The following RASAL2 variants were observed in gnomAD, a reference collection of about 807,000 sequenced individuals.
RASAL2 encodes ras GTPase-activating protein nGAP.
In RASAL2, 58 loss-of-function variants were observed where a neutral mutation model predicts 128.9. The ratio of observed to expected loss-of-function variants is 0.45; its 90% CI spans 0.36 to 0.56. The LOEUF (loss-of-function observed/expected upper bound fraction) is 0.56. Among genes scored for constraint, RASAL2 ranks in the 20% least tolerant of loss-of-function variants. The pLI is 0.00. For missense variants in RASAL2, 1,360 were observed against 1,601.6 expected (o/e 0.85, Z 2.57); for synonymous variants, 561 against 580.8 (o/e 0.97, Z 0.49).
rs1326200493 is a variant in RASAL2 at position 178,439,357 on chromosome 1, G to A, written c.675-65G>A. On this transcript the variant is annotated intron_variant, in intron 5 of 17. Coordinates refer to ENST00000367649, the MANE Select transcript of RASAL2 (RefSeq NM_170692.4). ...TGTACATTTATTGTTATCCTCCATT[G>A]CATTAGACCTTCATTTCCTTGCTGG... 3 of 1,411,614 alleles carry A rather than the reference G, an allele frequency of 2.1e-6. No homozygotes were observed. In the East Asian group the frequency reaches 7.0e-5, roughly 33 times the overall value. The allele number at this position is 1,411,614 out of a possible 1,614,324, so 87.4% of individuals were successfully genotyped here.
At chr1:178,471,760 C>A (rs1485027826) in intron 17 of RASAL2, among the ~76,000 whole-genome samples, 1 of 152,022 alleles carries the variant, frequency 6.6e-6, no homozygotes, top group South Asian at 2.1e-4. Flanking sequence ...CTAGATTTTT[C>A]CCCCAGGGCC....
At chr1:178,393,911 T>C (rs1056930708) in intron 4 of RASAL2, among the ~76,000 whole-genome samples, 6 of 152,356 alleles carry the variant, frequency 3.9e-5, no homozygotes, top group Admixed American at 3.3e-4. Flanking sequence ...GTATTACTGA[T>C]AATGTCCCTA....
intron 1 of RASAL2, among the ~76,000 whole-genome samples, chr1:178,179,662 C>T (rs532673552): frequency 3.2e-4 from 49 of 152,208 alleles, no homozygotes; most frequent in African/African-American, 7.7e-4. Context: ...TGGCAGCAGT[C>T]GGCTGTGTTT....
At chr1:178,359,403 A>C (rs1340193249) in intron 3 of RASAL2, among the ~76,000 whole-genome samples, 5 of 152,228 alleles carry the variant, frequency 3.3e-5, no homozygotes, top group Non-Finnish European at 5.9e-5. Flanking sequence ...AAGTAAAGCC[A>C]GGAAACTTAA....
At chr1:178,307,585 T>C (rs919551668) in intron 3 of RASAL2, among the ~76,000 whole-genome samples, 4 of 152,204 alleles carry the variant, frequency 2.6e-5, no homozygotes, top group African/African-American at 4.8e-5. Context: ...AACCTACAAA[T>C]TCAACTTCTT....
At chr1:178,422,493 T>C (rs1236728405) in intron 5 of RASAL2, among the ~76,000 whole-genome samples, 1 of 152,074 alleles carries the variant, frequency 6.6e-6, no homozygotes, top group Non-Finnish European at 1.5e-5. Context: ...TATACAGAAA[T>C]TTTTCAAAAA....
chr1:178,390,566 G>T (rs1349283541), intron 4 of RASAL2, among the ~76,000 whole-genome samples: 1 of 151,840 alleles, frequency 6.6e-6, no homozygotes, highest in African/African-American at 2.4e-5. Flanking sequence ...TTTAGTAGAG[G>T]CGGGGTTTTA....
At chr1:178,270,863 A>T (rs1401789694) in intron 1 of RASAL2, among the ~76,000 whole-genome samples, 3 of 152,130 alleles carry the variant, frequency 2.0e-5, no homozygotes, top group Non-Finnish European at 4.4e-5. Flanking sequence ...GGATGGTCTG[A>T]TGCCCAGAGT....
Position 178,094,136 on chromosome 1 carries a change from G to T in RASAL2, c.-357G>T, listed in dbSNP as rs1363562115. The stretch of plus-strand genomic sequence containing the variant: ...GGTCTGACCGCGAGAGACGCCGGCG[G>T]GGCTGAAGAAGGCGGCTCCGAGGAG... On this transcript the variant is annotated 5_prime_UTR_variant, in exon 1 of 18. Coordinates refer to ENST00000367649, the MANE Select transcript of RASAL2 (RefSeq NM_170692.4). 1 of 284,372 alleles carries T rather than the reference G, an allele frequency of 3.5e-6. No individual in the cohort carries two copies. The highest frequency in any genetic ancestry group is 2.3e-5 in the African/African-American group (1 of 44,234). 17.6% of individuals were successfully genotyped at this position (284,372 alleles called of 1,614,324 possible). A position where few individuals can be genotyped will look rare whatever the true frequency, so the allele number is the denominator to read the frequency against.
chr1:178,318,997 A>G (rs1668623887), intron 3 of RASAL2, among the ~76,000 whole-genome samples: 1 of 152,178 alleles, frequency 6.6e-6, no homozygotes, highest in Non-Finnish European at 1.5e-5. Flanking sequence ...TGGTGGTGAC[A>G]AAATCAGTCA....
chr1:178,400,221 T>C lies in RASAL2; in HGVS notation c.564+10015T>C, dbSNP rs78523437. Among the ~76,000 whole-genome samples the C allele has an allele frequency of 2.6e-3, 398 of 152,342 alleles. 1 individual carries two copies. Among genetic ancestry groups the C allele is most frequent in the Non-Finnish European group, 4.8e-3 (327 of 68,024 alleles). On this transcript the variant is annotated intron_variant, in intron 4 of 17. Transcript: ENST00000367649. ...CTGCCTTTCCAGACTCATTTCCTAA[T>C]GCTCAGTATCCTCATTTTCACCCCC...
chr1:178,408,593 G>A (rs1392862723), intron 4 of RASAL2, among the ~76,000 whole-genome samples: 1 of 140,056 alleles, frequency 7.1e-6, no homozygotes, highest in Non-Finnish European at 1.5e-5. Context: ...TGTTGTTGTT[G>A]TTTGGTTGGT....
At chr1:178,325,505 G>A (rs1351087871) in intron 3 of RASAL2, among the ~76,000 whole-genome samples, 2 of 152,160 alleles carry the variant, frequency 1.3e-5, no homozygotes, top group Non-Finnish European at 2.9e-5. Flanking sequence ...AACTAGATGA[G>A]CTAGGGATAG....
intron 3 of RASAL2, among the ~76,000 whole-genome samples, chr1:178,338,765 T>C (rs1669720349): frequency 6.6e-6 from 1 of 152,208 alleles, no homozygotes; most frequent in Non-Finnish European, 1.5e-5. Context: ...GTTGCAGATA[T>C]AGCAGCGAAC....
intron 3 of RASAL2, among the ~76,000 whole-genome samples, chr1:178,358,528 A>T (rs1270310124): frequency 3.3e-5 from 5 of 152,196 alleles, no homozygotes; most frequent in Non-Finnish European, 5.9e-5. Flanking sequence ...GAAGACTTTC[A>T]CAAAAGCATA....
intron 3 of RASAL2, among the ~76,000 whole-genome samples, chr1:178,342,685 G>T (rs868030824): frequency 6.6e-6 from 1 of 152,120 alleles, no homozygotes; most frequent in South Asian, 2.1e-4. Context: ...ACTTTTTTCT[G>T]TATGCAAATA....
At chr1:178,418,356 A>G (rs1004369819) in intron 4 of RASAL2, among the ~76,000 whole-genome samples, 3 of 152,148 alleles carry the variant, frequency 2.0e-5, no homozygotes, top group Admixed American at 1.3e-4. Context: ...AAAATATACT[A>G]TTTACTATTC....
chr1:178,295,243 C>CAA (rs781677519), intron 2 of RASAL2, among the ~76,000 whole-genome samples: 9 of 115,400 alleles, frequency 7.8e-5, no homozygotes, highest in Non-Finnish European at 1.1e-4. Context: ...TTTTTTCTCC[C>CAA]AAAAAAAAAA....
At position 178,250,112 on chromosome 1, in the gene RASAL2, G is replaced by C. The variant is rs1446636449; in HGVS notation, c.203-33452G>C. The stretch of plus-strand genomic sequence containing the variant: ...GTGCTGGAAGGGCCCTCTTTGTCAG[G>C]ATCCCCTTGCTCTCTTCAGAGCTAG... On this transcript the variant is annotated intron_variant, in intron 1 of 17. Coordinates refer to ENST00000367649, the MANE Select transcript of RASAL2 (RefSeq NM_170692.4). Among the ~76,000 whole-genome samples, 3 of 152,146 alleles carry C rather than the reference G, an allele frequency of 2.0e-5. 1 individual carries two copies. The South Asian group carries it at 6.2e-4, about 32-fold the overall frequency.
Sources: allele counts gnomAD v4.1 joint callset (sites outside exome capture counted in the v4.1 genomes callset), GRCh38; gene constraint gnomAD v4.1.1; transcripts MANE v1.5; gene names NCBI Gene and HGNC (gene_info 2026-07-23, HGNC 2026-07-21).